KCNK2: variants seen among roughly 807,000 people sequenced by gnomAD.
KCNK2 encodes potassium two pore domain channel subfamily K member 2, also known as potassium channel subfamily K member 2.
In KCNK2, 21 loss-of-function variants were observed where a neutral mutation model predicts 40.5. The ratio of observed to expected loss-of-function variants is 0.52; its 90% CI spans 0.37 to 0.75. The LOEUF is 0.75. KCNK2 is among the 30% of genes least tolerant of loss of function. The probability of loss-of-function intolerance (pLI) is 0.00; values close to 1 mark genes in which losing one functional copy is unlikely to be tolerated. For missense variants in KCNK2, 399 were observed against 531.6 expected (o/e 0.75, Z 2.45); for synonymous variants, 191 against 202.2 (o/e 0.94, Z 0.47).
chr1:215,205,280 C>T (rs1173725358), intron 6 of KCNK2, among the ~76,000 whole-genome samples: 1 of 152,060 alleles, frequency 6.6e-6, no homozygotes, highest in Non-Finnish European at 1.5e-5. Context: ...CTCTGTTGCC[C>T]AGGCTGGAGT....
At chr1:215,145,243 C>T (rs909443977) in intron 3 of KCNK2, among the ~76,000 whole-genome samples, 1 of 152,064 alleles carries the variant, frequency 6.6e-6, no homozygotes, top group Non-Finnish European at 1.5e-5. Flanking sequence ...TACTATGTGG[C>T]ATGCTTCATG....
chr1:215,076,796 C>A (rs766169046), intron 1 of KCNK2, among the ~76,000 whole-genome samples: 36 of 152,164 alleles, frequency 2.4e-4, no homozygotes, highest in Non-Finnish European at 4.3e-4. Context: ...AGGGACCCCC[C>A]ACAGAGCTGA....
At chr1:215,031,257 C>T (rs149090632) in intron 1 of KCNK2, among the ~76,000 whole-genome samples, 4 of 152,226 alleles carry the variant, frequency 2.6e-5, no homozygotes, top group South Asian at 2.1e-4. Context: ...ATCAGTTTGT[C>T]GATAGCCACT....
chr1:215,101,170 T>C (rs1660197221), intron 2 of KCNK2, among the ~76,000 whole-genome samples: 1 of 152,022 alleles, frequency 6.6e-6, no homozygotes, highest in African/African-American at 2.4e-5. Flanking sequence ...TTAACTAAAC[T>C]GAGAGTTTTG....
At chr1:215,195,187 C>A in intron 6 of KCNK2, 95 bp downstream of exon 6, 2 of 1,000,518 alleles carry the variant, frequency 2.0e-6, no homozygotes, top group Non-Finnish European at 2.8e-6. Context: ...AATATTTAAA[C>A]ATTTTAAAAT....
chr1:215,235,059 T>C lies in KCNK2; in HGVS notation c.1195T>C (p.Leu399=), dbSNP rs1403008901. 4.3e-6 allele frequency: 7 copies of C among 1,613,792 alleles called. No individual in the cohort carries two copies. The highest frequency in any genetic ancestry group is 3.3e-5 in the Admixed American group (2 of 59,992). Reference sequence around the variant, plus strand: ...CAGCGAGAGGGATGTCTTGCCTCCCTTACTGAAGACTGAGAGTATCTATCT... The same window carrying C: ...CAGCGAGAGGGATGTCTTGCCTCCCCTACTGAAGACTGAGAGTATCTATCT... ...LTSERDVLPP[L]LKTESIYLNG... is the part of the protein sequence containing the mutation. The change falls in exon 7 of 7, where the codon TTA becomes CTA. Residue 399 remains leucine, a synonymous_variant. Coordinates refer to ENST00000444842, the MANE Select transcript of KCNK2 (RefSeq NM_001017425.3).
intron 1 of KCNK2, among the ~76,000 whole-genome samples, chr1:215,018,061 A>G (rs962895536): frequency 7.2e-5 from 11 of 152,324 alleles, no homozygotes; most frequent in East Asian, 5.8e-4. Flanking sequence ...TTGCATATGC[A>G]CAATTGAGAA....
At chr1:215,044,750 T>C (rs1319757201) in intron 1 of KCNK2, among the ~76,000 whole-genome samples, 1 of 151,646 alleles carries the variant, frequency 6.6e-6, no homozygotes, top group Admixed American at 6.6e-5. Flanking sequence ...GGGATCCTGA[T>C]GGGCTGTGGT....
At chr1:215,029,043 A>T (rs939253368) in intron 1 of KCNK2, among the ~76,000 whole-genome samples, 2 of 151,398 alleles carry the variant, frequency 1.3e-5, no homozygotes, top group Non-Finnish European at 2.9e-5. Context: ...CATACCCTTT[A>T]CCCCTGCCTC....
intron 6 of KCNK2, among the ~76,000 whole-genome samples, chr1:215,232,544 G>T (rs567076784): frequency 6.6e-6 from 1 of 152,044 alleles, no homozygotes; most frequent in African/African-American, 2.4e-5. Context: ...CATTTAACAG[G>T]TACTTATTGG....
intron 2 of KCNK2, among the ~76,000 whole-genome samples, chr1:215,110,137 A>G (rs1398633147): frequency 6.6e-6 from 1 of 152,102 alleles, no homozygotes; most frequent in African/African-American, 2.4e-5. Context: ...AATAGTTTGT[A>G]AATATTTTCT....
chr1:215,199,549 T>G (rs1375634509), intron 6 of KCNK2, among the ~76,000 whole-genome samples: 1 of 152,136 alleles, frequency 6.6e-6, no homozygotes, highest in African/African-American at 2.4e-5. Flanking sequence ...AATTTTCCAG[T>G]TTTCCATGGA....
intron 6 of KCNK2, among the ~76,000 whole-genome samples, 180 bp from the exon 7 acceptor site, chr1:215,234,648 A>G (rs1360130896): frequency 6.6e-6 from 1 of 152,236 alleles, no homozygotes; most frequent in East Asian, 1.9e-4. Context: ...TATCTATATA[A>G]GATAGAATCC....
At chr1:215,048,170 G>A (rs952193414) in intron 1 of KCNK2, among the ~76,000 whole-genome samples, 4 of 152,076 alleles carry the variant, frequency 2.6e-5, no homozygotes, top group African/African-American at 4.8e-5. Flanking sequence ...ACATAGCTGC[G>A]TACAATCCCT....
At chr1:215,113,924 T>C (rs890517452) in intron 2 of KCNK2, among the ~76,000 whole-genome samples, 2 of 152,146 alleles carry the variant, frequency 1.3e-5, no homozygotes, top group Non-Finnish European at 2.9e-5. Flanking sequence ...AGCAAGTGAT[T>C]AAAAATGAAA....
At chr1:215,209,201 T>C (rs1294454274) in intron 6 of KCNK2, among the ~76,000 whole-genome samples, 1 of 136,920 alleles carries the variant, frequency 7.3e-6, no homozygotes, top group Non-Finnish European at 1.5e-5. Flanking sequence ...AATATATATA[T>C]ATAAAATATA....
intron 1 of KCNK2, among the ~76,000 whole-genome samples, chr1:215,076,430 G>A (rs1050263836): frequency 5.3e-5 from 8 of 152,168 alleles, no homozygotes; most frequent in African/African-American, 1.9e-4. Flanking sequence ...GTTGCCTGAG[G>A]TTACTGTCCT....
chr1:215,029,977 G>C (rs1657129146), intron 1 of KCNK2, among the ~76,000 whole-genome samples: 1 of 152,192 alleles, frequency 6.6e-6, no homozygotes, highest in Non-Finnish European at 1.5e-5. Context: ...TTAGCTTTGT[G>C]AGAAATTGCC....
intron 1 of KCNK2, among the ~76,000 whole-genome samples, chr1:215,020,538 G>C (rs1042259209): frequency 1.3e-5 from 2 of 152,086 alleles, no homozygotes; most frequent in Non-Finnish European, 2.9e-5. Flanking sequence ...CGATTATTGT[G>C]CCTCAGCCTC....
Sources: gnomAD v4.1 joint callset for allele counts (sites outside exome capture counted in the v4.1 genomes callset) on GRCh38, gnomAD v4.1.1 for gene constraint, MANE v1.5 for transcripts, NCBI Gene and HGNC (gene_info 2026-07-23, HGNC 2026-07-21) for gene names.